The following C1orf174 variants were observed in gnomAD, a reference collection of about 807,000 sequenced individuals.
C1orf174 encodes chromosome 1 open reading frame 174, also known as UPF0688 protein C1orf174.
A neutral mutation model predicts 18.4 loss-of-function variants in C1orf174; 13 were observed. That is an observed-to-expected ratio of 0.71 (90% CI 0.46 to 1.12). C1orf174 has a LOEUF of 1.12. C1orf174 is among the 50% of genes most tolerant of loss of function. The pLI is 0.00. For synonymous variants in C1orf174, 100 were observed against 118.3 expected, an observed-to-expected ratio of 0.85 and a Z score of 1.01; for missense variants, 309 against 308.0, an observed-to-expected ratio of 1.00 and a Z score of -0.02.
At chr1:3,894,440 T>C (rs1638568436) in intron 1 of C1orf174, among the ~76,000 whole-genome samples, 1 of 151,664 alleles carries the variant, frequency 6.6e-6, no homozygotes, top group Non-Finnish European at 1.5e-5. Flanking sequence ...ACCCCGTCTC[T>C]ACTAAAAATA....
rs373457217 is a variant in C1orf174, at chr1:3,900,191, G to C, written c.-5C>G. 24 of 1,584,626 alleles carry C rather than the reference G, an allele frequency of 1.5e-5. No individual in the cohort carries two copies. The African/African-American group carries it at 3.3e-4, about 22-fold the overall frequency. ...CCTCACCTTCCGGCTCCTCATGAGT[G>C]TGAGCACCGCAGCCAAGCACCGCGC... On this transcript the variant is annotated 5_prime_UTR_variant, in exon 1 of 4. Transcript: ENST00000361605.
intron 1 of C1orf174, among the ~76,000 whole-genome samples, chr1:3,893,964 T>A (rs1040681520): frequency 6.6e-6 from 1 of 152,228 alleles, no homozygotes; most frequent in Non-Finnish European, 1.5e-5. Flanking sequence ...TCCACTAATG[T>A]TAAACAACTA....
chr1:3,898,526 A>C (rs1638647547), intron 1 of C1orf174, among the ~76,000 whole-genome samples: 1 of 136,444 alleles, frequency 7.3e-6, no homozygotes, highest in South Asian at 2.2e-4. Flanking sequence ...AAACAACAAC[A>C]ACAACAACAA....
chr1:3,891,334 C>T (rs1638507735), intron 2 of C1orf174: 4 of 401,642 alleles, frequency 1.0e-5, no homozygotes, highest in South Asian at 3.2e-5. Flanking sequence ...AGTGGCGTTA[C>T]AGCTCCTCAG....
chr1:3,890,970 T>C lies in C1orf174; in HGVS notation c.217A>G (p.Lys73Glu). 6.2e-7 allele frequency: 1 copy of C among 1,614,212 alleles called. No individual in the cohort carries two copies. ...KGHLVKSELQKLVPKNDSASL... is the reference protein window; with the variant it reads ...KGHLVKSELQELVPKNDSASL... ...GCGCTGTCATTCTTAGGGACAAGCT[T>C]CTGTAATTCTGACTTCACAAGATGT... is the stretch of plus-strand genomic sequence containing the variant. Residue 73 changes from lysine to glutamate, a missense_variant, in exon 3 of 4, where the codon AAG (lysine) becomes GAG (glutamate). Lys to Glu is a moderately conservative substitution (Grantham distance 56). Coordinates refer to ENST00000361605, the MANE Select transcript of C1orf174 (RefSeq NM_207356.3).
chr1:3,891,239 G>T lies in C1orf174; in HGVS notation c.130-182C>A. The T allele has an allele frequency of 4.1e-6, 3 of 729,502 alleles. No homozygotes were observed. In the South Asian group the frequency reaches 5.7e-5, roughly 14 times the overall value. The allele number at this position is 729,502 out of a possible 1,614,324, so 45.2% of individuals were successfully genotyped here. ...CAAAATACAAGCGAGACTGAATCTA[G>T]ACACACCCCACACCACTCCTACACT... On this transcript the variant is annotated intron_variant, in intron 2 of 3. Transcript: ENST00000361605.
At chr1:3,891,418 G>C (rs1412416440) in intron 2 of C1orf174, 1 of 221,052 alleles carries the variant, frequency 4.5e-6, no homozygotes, top group Non-Finnish European at 8.5e-6. Context: ...ATTTCTGCTA[G>C]GGCATAAGCT....
intron 2 of C1orf174, chr1:3,892,665 G>T (rs1638530986): frequency 2.2e-6 from 3 of 1,387,636 alleles, no homozygotes; most frequent in South Asian, 1.5e-5. Flanking sequence ...CACACACACG[G>T]GTGGGCGGGT....
At chr1:3,891,135 C>T in intron 2 of C1orf174, 78 bp from the exon 3 acceptor site, 1 of 1,462,440 alleles carries the variant, frequency 6.8e-7, no homozygotes, top group Non-Finnish European at 9.1e-7. Context: ...GCTAGTATTT[C>T]TTCTCACATC....
chr1:3,891,124 G>A (rs1381089000), intron 2 of C1orf174, 67 bp from the exon 3 acceptor site: 6 of 1,494,432 alleles, frequency 4.0e-6, no homozygotes, highest in East Asian at 4.5e-5. Flanking sequence ...TCAATCCAGA[G>A]GCTAGTATTT....
intron 1 of C1orf174, among the ~76,000 whole-genome samples, chr1:3,897,449 CA>C (rs1638626326): frequency 6.6e-6 from 1 of 152,024 alleles, no homozygotes; most frequent in South Asian, 2.1e-4. Context: ...AACTTGAAGA[CA>C]GATCGATAGA....
Position 3,890,708 on chromosome 1 carries a change from T to C in C1orf174, c.479A>G (p.Gln160Arg). ...CTGTAGCCCTGGCTCATTCTGCTTC[T>C]GCACAGTGGAGCTGCTGTTGGATTC... is the stretch of plus-strand genomic sequence containing the variant. ...AEESNSSSTV[Q>R]KQNEPGLQTE... Residue 160 changes from glutamine to arginine, a missense_variant, in exon 3 of 4, where the codon CAG becomes CGG. By Grantham distance (43) the Gln-to-Arg change is conservative. Coordinates refer to ENST00000361605, the MANE Select transcript of C1orf174 (RefSeq NM_207356.3). 6.2e-7 allele frequency: 1 copy of C among 1,614,154 alleles called. No individual in the cohort carries two copies. The highest frequency in any genetic ancestry group is 8.5e-7 in the Non-Finnish European group (1 of 1,180,014).
Position 3,889,939 on chromosome 1 carries a change from G to A in C1orf174, c.*21C>T. The A allele has an allele frequency of 1.9e-6, 3 of 1,571,810 alleles. No individual in the cohort carries two copies. In the South Asian group the frequency reaches 3.3e-5, roughly 17 times the overall value. ...ATTGTTAATGGTACTAAATACTCAA[G>A]GACATTATTTTGTATGGCCCCTACA... is the stretch of plus-strand genomic sequence containing the variant. On this transcript the variant is annotated 3_prime_UTR_variant, in exon 4 of 4. Transcript: ENST00000361605.
In C1orf174 at chr1:3,892,947, G is replaced by A. The variant is rs149763140; in HGVS notation, c.65C>T (p.Ser22Leu). Residue 22 changes from serine (S) to leucine (L), a missense_variant, in exon 2 of 4, where the codon TCG becomes TTG. Coordinates refer to ENST00000361605, the MANE Select transcript of C1orf174 (RefSeq NM_207356.3). The part of the protein sequence containing the change: ...SSARLKARSC[S>L]AARLASAQEV... ...CTGGGCAGAGGCCAACCTGGCTGCC[G>A]AACAACTTCGTGCTTTCAAGCGCGC... is the stretch of plus-strand genomic sequence containing the variant. The A allele has an allele frequency of 6.2e-6, 10 of 1,614,150 alleles. No homozygotes were observed. Among genetic ancestry groups the A allele is most frequent in the African/African-American group, 2.7e-5 (2 of 75,050 alleles).
At position 3,889,796 on chromosome 1, in the gene C1orf174, C is replaced by T; in HGVS notation, c.*164G>A. On this transcript the variant is annotated 3_prime_UTR_variant, in exon 4 of 4. Transcript: ENST00000361605. ...GAGTTTTAGTTCCCATGAGTACATC[C>T]TCCACAGGTATTGGGTGCTTTGCAC... The T allele has an allele frequency of 1.5e-6, 1 of 688,780 alleles. No individual in the cohort carries two copies. Among genetic ancestry groups the T allele is most frequent in the South Asian group, 1.7e-5 (1 of 58,822 alleles). The allele number at this position is 688,780 out of a possible 1,614,324, so 42.7% of individuals were successfully genotyped here. A position where few individuals can be genotyped will look rare whatever the true frequency, so the allele number is the denominator to read the frequency against.
At chr1:3,892,600 G>A (rs111333777) in intron 2 of C1orf174, 27,737 of 413,622 alleles carry the variant, frequency 0.067, 637 homozygotes, top group Middle Eastern at 0.11. Flanking sequence ...ATCAGGGCCC[G>A]GGTCTAGACA....
intron 2 of C1orf174, chr1:3,891,514 C>T (rs746807303): frequency 7.8e-5 from 68 of 876,324 alleles, no homozygotes; most frequent in Non-Finnish European, 9.1e-5. Flanking sequence ...AAATTGACTT[C>T]GACAAAATTT....
chr1:3,895,284 C>T (rs45555931), intron 1 of C1orf174: 1,934 of 152,412 alleles, frequency 0.013, 14 homozygotes, highest in Non-Finnish European at 0.019. Flanking sequence ...TATTCCATCA[C>T]CACAGCTCAC....
intron 1 of C1orf174, among the ~76,000 whole-genome samples, chr1:3,897,655 C>T (rs1638630693): frequency 1.3e-5 from 2 of 152,048 alleles, no homozygotes; most frequent in African/African-American, 4.8e-5. Flanking sequence ...AAACATTAAC[C>T]TATATATCCA....
Sources: allele counts gnomAD v4.1 joint callset (sites outside exome capture counted in the v4.1 genomes callset), GRCh38; gene constraint gnomAD v4.1.1; transcripts MANE v1.5; gene names NCBI Gene and HGNC (gene_info 2026-07-23, HGNC 2026-07-21).